The following PCDHA1 variants were observed in gnomAD, a reference collection of about 807,000 sequenced individuals.
PCDHA1 encodes protocadherin alpha-1.
Under a neutral mutation model 61.3 loss-of-function variants are expected in PCDHA1, and 42 were observed. The ratio of observed to expected loss-of-function variants is 0.69; its 90% confidence interval spans 0.54 to 0.89. The LOEUF (loss-of-function observed/expected upper bound fraction) is 0.89. Among genes scored for constraint, PCDHA1 ranks in the 40% least tolerant of loss-of-function variants. The probability of loss-of-function intolerance (pLI) is 0.00; values close to 1 mark genes in which losing one functional copy is unlikely to be tolerated. For synonymous variants in PCDHA1, 610 were observed against 553.8 expected, an observed-to-expected ratio of 1.10 and a Z score of -1.43; for missense variants, 1,256 against 1,235.3, an observed-to-expected ratio of 1.02 and a Z score of -0.25.
At chr5:140,849,922 CG>C (rs1376450485) in intron 1 of PCDHA1, 3 of 1,598,214 alleles carry the variant, frequency 1.9e-6, no homozygotes, top group Non-Finnish European at 2.6e-6. Context: ...CACATCTTCA[CG>C]GTGTCTGCGC....
chr5:141,000,383 CTCTCTCTCTCTCTA>C (rs1438422699), intron 3 of PCDHA1, among the ~76,000 whole-genome samples: 4 of 63,178 alleles, frequency 6.3e-5, no homozygotes, highest in African/African-American at 2.9e-4. Context: ...CTCTCTCTCT[CTCTCTCTCTCTCTA>C]TATATATATA....
rs544401230 is a variant in PCDHA1 at position 140,855,171 on chromosome 5, C to A, written c.2394+66487C>A. On this transcript the variant is annotated intron_variant, in intron 1 of 3. Coordinates refer to ENST00000504120, the MANE Select transcript of PCDHA1 (RefSeq NM_018900.4). ...AATTTGGTATTGAGCCTCATGAAAA[C>A]AAATGTGGCCAAATTGAGGCCTGAG... Among the ~76,000 whole-genome samples the A allele has an allele frequency of 6.9e-4, 104 of 149,830 alleles. 7 individuals are homozygous for A. Among genetic ancestry groups the A allele is most frequent in the African/African-American group, 2.4e-3 (100 of 41,004 alleles).
At chr5:140,861,124 A>G (rs1426704260) in intron 1 of PCDHA1, 4 of 153,324 alleles carry the variant, frequency 2.6e-5, no homozygotes, top group African/African-American at 9.6e-5. Flanking sequence ...AACACCCATT[A>G]AGACCACTTG....
chr5:140,925,951 A>G (rs1057448284), intron 1 of PCDHA1, among the ~76,000 whole-genome samples: 2 of 152,102 alleles, frequency 1.3e-5, no homozygotes, highest in Admixed American at 1.3e-4. Flanking sequence ...GAGAAGGAGA[A>G]ACTGCTATCA....
intron 1 of PCDHA1, chr5:140,802,385 G>A: frequency 6.2e-7 from 1 of 1,614,252 alleles, no homozygotes; most frequent in Non-Finnish European, 8.5e-7. Flanking sequence ...TCCCCTTCAA[G>A]CTGGTGTCCA....
chr5:140,821,705 T>C (rs1230584423), intron 1 of PCDHA1: 1 of 1,429,244 alleles, frequency 7.0e-7, no homozygotes, highest in South Asian at 1.4e-5. Flanking sequence ...ATATAGTTAA[T>C]TGGGAATTGA....
intron 1 of PCDHA1, chr5:140,928,751 C>T (rs1387564129): frequency 6.2e-7 from 1 of 1,614,180 alleles, no homozygotes; most frequent in Non-Finnish European, 8.5e-7. Flanking sequence ...GAGCTCCGTA[C>T]TGCTCGCTTA....
At chr5:140,873,494 T>C (rs2153295972) in intron 1 of PCDHA1, among the ~76,000 whole-genome samples, 1 of 152,254 alleles carries the variant, frequency 6.6e-6, no homozygotes, top group South Asian at 2.1e-4. Flanking sequence ...TTCTGCAAAG[T>C]TGTGTCTTTT....
At chr5:140,969,982 G>T (rs1327490843) in intron 1 of PCDHA1, among the ~76,000 whole-genome samples, 1 of 152,184 alleles carries the variant, frequency 6.6e-6, no homozygotes, top group Non-Finnish European at 1.5e-5. Flanking sequence ...CAACTCTTCT[G>T]TAGAGGGCTG....
intron 1 of PCDHA1, chr5:140,804,987 G>A (rs1763488462): frequency 6.6e-6 from 10 of 1,518,174 alleles, no homozygotes; most frequent in Middle Eastern, 3.8e-4. Flanking sequence ...TCTCAGGTCA[G>A]TATTTTAAAA....
intron 3 of PCDHA1, among the ~76,000 whole-genome samples, chr5:140,985,189 G>A (rs1440212716): frequency 3.3e-5 from 5 of 152,004 alleles, no homozygotes; most frequent in African/African-American, 9.7e-5. Context: ...CGCCTGCCTC[G>A]GTCTCCCAAA....
intron 3 of PCDHA1, among the ~76,000 whole-genome samples, chr5:140,990,585 T>C (rs2097401437): frequency 6.6e-6 from 1 of 152,204 alleles, no homozygotes; most frequent in Non-Finnish European, 1.5e-5. Flanking sequence ...TCTTTTCCTA[T>C]AATCACCTGG....
At chr5:140,905,197 T>A (rs2071673542) in intron 1 of PCDHA1, among the ~76,000 whole-genome samples, 1 of 152,220 alleles carries the variant, frequency 6.6e-6, no homozygotes. Flanking sequence ...TTGATCCATC[T>A]TGAGTTGATT....
At chr5:140,905,635 A>ACTGTTGCCTCAGGCAGTGCAGG (rs2071993181) in intron 1 of PCDHA1, among the ~76,000 whole-genome samples, 1 of 152,206 alleles carries the variant, frequency 6.6e-6, no homozygotes, top group South Asian at 2.1e-4. Flanking sequence ...CAGTATGGTC[A>ACTGTTGCCTCAGGCAGTGCAGG]GTTTCACAGT....
chr5:140,844,321 A>T lies in PCDHA1; in HGVS notation c.2394+55637A>T, dbSNP rs1407685280. Reference sequence around the variant, plus strand: ...TAGTTTTCATATTCTTCCTAATTTTATTATAAACTAGTTAAAAAGTAAAAT... The same window carrying T: ...TAGTTTTCATATTCTTCCTAATTTTTTTATAAACTAGTTAAAAAGTAAAAT... On this transcript the variant is annotated intron_variant, in intron 1 of 3. Coordinates refer to ENST00000504120, the MANE Select transcript of PCDHA1 (RefSeq NM_018900.4). Among the ~76,000 whole-genome samples the T allele has an allele frequency of 6.0e-5, 9 of 149,650 alleles. 1 individual carries two copies. Among genetic ancestry groups the T allele is most frequent in the African/African-American group, 2.2e-4 (9 of 41,032 alleles).
rs782727100 is a variant in PCDHA1, at chr5:140,877,121, C to G, written c.2394+88437C>G. 12 of 1,613,694 alleles carry G rather than the reference C, an allele frequency of 7.4e-6. No homozygotes were observed. In the South Asian group the frequency reaches 8.8e-5, roughly 12 times the overall value. ...GTGCCGCCTCTGGGCAGCAACGTGA[C>G]GCTGCAGGTGTTCGTGCTGGACGAG... is the stretch of plus-strand genomic sequence containing the variant. On this transcript the variant is annotated intron_variant, in intron 1 of 3. Coordinates refer to ENST00000504120, the MANE Select transcript of PCDHA1 (RefSeq NM_018900.4).
chr5:140,935,605 T>C (rs1554210594), intron 1 of PCDHA1, among the ~76,000 whole-genome samples: 4 of 152,228 alleles, frequency 2.6e-5, no homozygotes. Flanking sequence ...AGAGCTAGGC[T>C]TTTTTCAAGT....
chr5:140,803,059 C>G, intron 1 of PCDHA1: 1 of 1,613,996 alleles, frequency 6.2e-7, no homozygotes, highest in South Asian at 1.1e-5. Flanking sequence ...GCGCGCATCC[C>G]GTTTCGCGTG....
chr5:140,823,526 T>C, intron 1 of PCDHA1: 1 of 1,613,632 alleles, frequency 6.2e-7, no homozygotes, highest in South Asian at 1.1e-5. Flanking sequence ...CCGAGGTCAG[T>C]GGGTGCGGGC....
Sources: allele counts gnomAD v4.1 joint callset (sites outside exome capture counted in the v4.1 genomes callset), GRCh38; gene constraint gnomAD v4.1.1; transcripts MANE v1.5; gene names NCBI Gene and HGNC (gene_info 2026-07-23, HGNC 2026-07-21).